ITGB3: variants seen among roughly 807,000 people sequenced by gnomAD.
ITGB3 encodes integrin subunit beta 3.
ITGB3 carries 48 observed loss-of-function variants against 85.8 expected under a neutral mutation model. The ratio of observed to expected loss-of-function variants is 0.56; its 90% confidence interval spans 0.44 to 0.71. The LOEUF (loss-of-function observed/expected upper bound fraction) is 0.71. ITGB3 is among the 30% of genes least tolerant of loss of function. ITGB3 has a pLI of 0.00. For synonymous variants in ITGB3, 363 were observed against 395.6 expected (o/e 0.92, Z 0.98); for missense variants, 861 against 1,019.1 (o/e 0.84, Z 2.11).
intron 14 of ITGB3, among the ~76,000 whole-genome samples, chr17:47,309,252 T>G (rs1196027856): frequency 6.6e-6 from 1 of 151,408 alleles, no homozygotes; most frequent in Non-Finnish European, 1.5e-5. Flanking sequence ...AGGGTCTCAC[T>G]CTGTTACCCA....
chr17:47,275,268 G>A (rs1364394897), intron 2 of ITGB3, among the ~76,000 whole-genome samples: 2 of 152,140 alleles, frequency 1.3e-5, no homozygotes, highest in Non-Finnish European at 2.9e-5. Context: ...ATGGAAGGGG[G>A]ACAGGAAAGG....
rs549325567 is a variant in ITGB3, at chr17:47,262,784, C to T, written c.79+8844C>T. 4.7e-4 allele frequency among the ~76,000 whole-genome samples: 71 copies of T among 151,944 alleles called. 1 individual carries two copies. The highest frequency in any genetic ancestry group is 6.6e-4 in the Admixed American group (10 of 15,260). Reference sequence around the variant, plus strand: ...TTCACGTCTGACCCTGAGGTGGAGGCGAGGGGATGGGGATTCCTGGTGTAG... The same window carrying T: ...TTCACGTCTGACCCTGAGGTGGAGGTGAGGGGATGGGGATTCCTGGTGTAG... On this transcript the variant is annotated intron_variant, in intron 1 of 14. Coordinates refer to ENST00000559488, the MANE Select transcript of ITGB3 (RefSeq NM_000212.3).
At chr17:47,275,419 G>A (rs1302279400) in intron 2 of ITGB3, among the ~76,000 whole-genome samples, 1 of 152,116 alleles carries the variant, frequency 6.6e-6, no homozygotes, top group Non-Finnish European at 1.5e-5. Context: ...AGATGAATGT[G>A]GTTGAAGAGA....
At chr17:47,291,898 T>C (rs2065127161) in intron 9 of ITGB3, among the ~76,000 whole-genome samples, 1 of 152,250 alleles carries the variant, frequency 6.6e-6, no homozygotes, top group Admixed American at 6.5e-5. Context: ...TTATTATTTA[T>C]TGACTGTAAA....
chr17:47,290,056 G>A (rs1651293520), intron 7 of ITGB3, 129 bp from the exon 8 acceptor site: 1 of 818,550 alleles, frequency 1.2e-6, no homozygotes, highest in African/African-American at 1.7e-5. Flanking sequence ...ATTCCTGGCA[G>A]TGACAATTGA....
At chr17:47,263,353 A>C (rs2065014878) in intron 1 of ITGB3, among the ~76,000 whole-genome samples, 1 of 152,102 alleles carries the variant, frequency 6.6e-6, no homozygotes, top group Non-Finnish European at 1.5e-5. Context: ...CTTCATTTAC[A>C]AGGACAGGAC....
chr17:47,290,984 C>A lies in ITGB3; in HGVS notation c.1156C>A (p.Arg386Ser). ...CCGTTCTAAAGTAGAGCTGGAAGTGCGTGACCTCCCTGAAGAGTTGTCTCT... is the reference window on the plus strand; with the variant it reads ...CCGTTCTAAAGTAGAGCTGGAAGTGAGTGACCTCCCTGAAGAGTTGTCTCT... The part of the protein sequence containing the change: ...KIRSKVELEV[R>S]DLPEELSLSF... The change falls in exon 9 of 15, where the codon CGT becomes AGT. Residue 386 changes from arginine to serine, a missense_variant. By Grantham distance (110) the Arg-to-Ser change is moderately radical. Coordinates refer to ENST00000559488, the MANE Select transcript of ITGB3 (RefSeq NM_000212.3). 1.2e-6 allele frequency: 2 copies of A among 1,614,044 alleles called. No homozygotes were observed. The highest frequency in any genetic ancestry group is 1.7e-6 in the Non-Finnish European group (2 of 1,179,946).
intron 14 of ITGB3, 123 bp downstream of exon 14, chr17:47,307,760 G>A (rs1042239820): frequency 1.4e-5 from 13 of 929,892 alleles, no homozygotes; most frequent in Non-Finnish European, 1.2e-5. Context: ...CTCTGTTCTG[G>A]AAACTGGGAG....
In ITGB3 at chr17:47,299,226, G is replaced by A; in HGVS notation, c.1691-82G>A. The stretch of plus-strand genomic sequence containing the variant: ...GATCATTATCTGTGTGGTTGGGAGA[G>A]CAGGATGGTCGTGTGTAGCCTGCTG... On this transcript the variant is annotated intron_variant, in intron 10 of 14. Transcript: ENST00000559488. This position sits in a 1 kb window ranked among gnomAD's most constrained non-coding sequence, Gnocchi z 5.1. 1 of 1,298,958 alleles carries A rather than the reference G, an allele frequency of 7.7e-7. No individual in the cohort carries two copies. Among genetic ancestry groups the A allele is most frequent in the Non-Finnish European group, 1.1e-6 (1 of 907,332 alleles). 80.5% of individuals were successfully genotyped at this position (1,298,958 alleles called of 1,614,324 possible).
chr17:47,290,842 G>A (rs1168278868), intron 8 of ITGB3, 112 bp from the exon 9 acceptor site: 1 of 1,262,862 alleles, frequency 7.9e-7, no homozygotes, highest in Admixed American at 1.7e-5. Context: ...TGGCACTGCT[G>A]GGGTGAGTCC....
chr17:47,276,785 C>T (rs1050313700), intron 2 of ITGB3, among the ~76,000 whole-genome samples: 3 of 152,076 alleles, frequency 2.0e-5, no homozygotes, highest in Non-Finnish European at 4.4e-5. Context: ...CAGGGCTTCC[C>T]CTGGATAGGC....
intron 14 of ITGB3, among the ~76,000 whole-genome samples, chr17:47,309,590 G>A (rs1056602357): frequency 2.0e-5 from 3 of 152,120 alleles, no homozygotes; most frequent in Non-Finnish European, 2.9e-5. Flanking sequence ...GCTGAATATA[G>A]CTCCTTAGAA....
rs771279288 is a variant in ITGB3, at chr17:47,299,357, C to T, written c.1740C>T (p.Thr580=). 1.2e-5 allele frequency: 20 copies of T among 1,614,054 alleles called. No homozygotes were observed. Among genetic ancestry groups the T allele is most frequent in the African/African-American group, 5.3e-5 (4 of 74,936 alleles). The change falls in exon 11 of 15, where the codon ACC becomes ACT. Residue 580 remains threonine (T), a synonymous_variant. Coordinates refer to ENST00000559488, the MANE Select transcript of ITGB3 (RefSeq NM_000212.3). The surrounding 1 kb of genome is among the most constrained non-coding windows in gnomAD (Gnocchi z 5.1). ...ACTGCCTGTGTGACTCCGACTGGACCGGCTACTACTGCAACTGTACCACGC... is the reference window on the plus strand; with the variant it reads ...ACTGCCTGTGTGACTCCGACTGGACTGGCTACTACTGCAACTGTACCACGC... ...CGDCLCDSDW[T]GYYCNCTTRT...
Position 47,313,574 on chromosome 17 carries a change from C to T in ITGB3, c.*3370C>T, listed in dbSNP as rs1198080568. On this transcript the variant is annotated 3_prime_UTR_variant, in exon 15 of 15. Coordinates refer to ENST00000559488, the MANE Select transcript of ITGB3 (RefSeq NM_000212.3). The stretch of plus-strand genomic sequence containing the variant: ...CGGTGTTAGCCAGGAAGGTCTCGAT[C>T]TCCTGACCTCGTGATCCTCCCGCCT... Among the ~76,000 whole-genome samples, 1 of 152,052 alleles carries T rather than the reference C, an allele frequency of 6.6e-6. No individual in the cohort carries two copies. Among genetic ancestry groups the T allele is most frequent in the Non-Finnish European group, 1.5e-5 (1 of 68,006 alleles).
chr17:47,298,370 G>GA (rs2065153585), intron 10 of ITGB3, among the ~76,000 whole-genome samples: 1 of 152,056 alleles, frequency 6.6e-6, no homozygotes, highest in Non-Finnish European at 1.5e-5. Flanking sequence ...CTGGCCCTCG[G>GA]CAGTCTGGGA....
At chr17:47,295,239 G>A (rs1271694665) in intron 10 of ITGB3, among the ~76,000 whole-genome samples, 1 of 152,154 alleles carries the variant, frequency 6.6e-6, no homozygotes. Flanking sequence ...GTAGGCCTGG[G>A]TGGCTTCATG....
At chr17:47,295,799 C>T (rs1281912887) in intron 10 of ITGB3, among the ~76,000 whole-genome samples, 3 of 152,266 alleles carry the variant, frequency 2.0e-5, no homozygotes, top group South Asian at 4.1e-4. Context: ...GCTCTGCTGG[C>T]TGGCGCACTC....
At chr17:47,288,825 G>A (rs567393147) in intron 6 of ITGB3, among the ~76,000 whole-genome samples, 6 of 152,166 alleles carry the variant, frequency 3.9e-5, no homozygotes, top group Non-Finnish European at 7.3e-5. Flanking sequence ...GAGGAGAAAG[G>A]ATATATATAT....
intron 1 of ITGB3, 58 bp downstream of exon 1, chr17:47,253,998 A>C (rs1194127335): frequency 1.7e-6 from 2 of 1,153,356 alleles, no homozygotes; most frequent in African/African-American, 1.6e-5. Context: ...CGCCCCGGTC[A>C]AGTTGCGGAC....
Sources: allele counts gnomAD v4.1 joint callset (sites outside exome capture counted in the v4.1 genomes callset), GRCh38; gene constraint gnomAD v4.1.1; non-coding constraint Gnocchi (gnomAD v3.1); transcripts MANE v1.5; gene names NCBI Gene and HGNC (gene_info 2026-07-23, HGNC 2026-07-21).